Variants in GALNT13 observed in about 807,000 individuals in gnomAD.
GALNT13 encodes the protein UDP-GalNAc:polypeptide N-acetylgalactosaminyltransferase 13.
A neutral mutation model predicts 64.2 loss-of-function variants in GALNT13; 28 were observed. The ratio of observed to expected loss-of-function variants is 0.44; its 90% CI spans 0.32 to 0.60. The LOEUF (loss-of-function observed/expected upper bound fraction) is 0.60. Ranked by LOEUF, GALNT13 falls within the 20% of genes least tolerant of loss-of-function variation. GALNT13 has a pLI of 0.05. For synonymous variants in GALNT13, 214 were observed against 224.6 expected (o/e 0.95, Z 0.42); for missense variants, 577 against 669.8 (o/e 0.86, Z 1.53).
At chr2:153,592,915 A>G in the GALNT13 span, 4 of 152,302 alleles carry the variant, frequency 2.6e-5, no homozygotes, top group African/African-American at 7.2e-5. Flanking sequence ...AAGAAGCAGC[A>G]GAAAGGCCCT....
chr2:153,252,684 C>A, the GALNT13 span, among the ~76,000 whole-genome samples: 7 of 152,170 alleles, frequency 4.6e-5, no homozygotes, highest in East Asian at 1.9e-4. Context: ...TCAGCTTTCT[C>A]CATATGGCTA....
the GALNT13 span, among the ~76,000 whole-genome samples, chr2:153,719,563 C>T: frequency 3.9e-5 from 6 of 152,158 alleles, no homozygotes; most frequent in African/African-American, 1.2e-4. Flanking sequence ...GTTCATCTCA[C>T]TAGGGAGTGC....
chr2:154,013,836 C>T (rs1037123929), intron 3 of GALNT13, among the ~76,000 whole-genome samples: 1 of 152,078 alleles, frequency 6.6e-6, no homozygotes, highest in African/African-American at 2.4e-5. Context: ...GCACACACTG[C>T]CAAAGCAGTG....
chr2:153,428,528 G>A, the GALNT13 span, among the ~76,000 whole-genome samples: 148 of 152,274 alleles, frequency 9.7e-4, no homozygotes, highest in African/African-American at 3.4e-3. Context: ...ATTTTAACAT[G>A]AGATTTGGAG....
the GALNT13 span, among the ~76,000 whole-genome samples, chr2:153,191,699 G>A: frequency 6.8e-6 from 1 of 147,862 alleles, no homozygotes; most frequent in African/African-American, 2.5e-5. Flanking sequence ...TCCTGGGCTT[G>A]AAAGACTTTT....
intron 3 of GALNT13, among the ~76,000 whole-genome samples, chr2:154,023,388 T>A (rs1456285499): frequency 6.6e-6 from 1 of 152,150 alleles, no homozygotes; most frequent in Non-Finnish European, 1.5e-5. Context: ...GTATTGGGTA[T>A]ATGTATATAT....
intron 3 of GALNT13, among the ~76,000 whole-genome samples, chr2:154,066,826 A>G (rs1408170260): frequency 6.6e-6 from 1 of 151,446 alleles, no homozygotes; most frequent in Non-Finnish European, 1.5e-5. Flanking sequence ...AGCACACAGA[A>G]AAACACAGAC....
At chr2:154,153,243 G>A (rs1461205140) in intron 4 of GALNT13, among the ~76,000 whole-genome samples, 1 of 152,216 alleles carries the variant, frequency 6.6e-6, no homozygotes. Context: ...CTGCAGAACA[G>A]TGGATTTTCA....
intron 4 of GALNT13, 25 bp downstream of exon 4, chr2:154,140,530 CT>C: frequency 6.8e-7 from 1 of 1,466,200 alleles, no homozygotes; most frequent in East Asian, 2.3e-5. Flanking sequence ...GTTATATAAT[CT>C]TTTATATTCA....
intron 9 of GALNT13, among the ~76,000 whole-genome samples, chr2:154,311,462 C>T (rs1050353817): frequency 5.7e-4 from 87 of 151,870 alleles, no homozygotes; most frequent in Non-Finnish European, 2.8e-4. Flanking sequence ...AGGGAGTATA[C>T]GAATAGGTGT....
the GALNT13 span, among the ~76,000 whole-genome samples, chr2:153,505,472 G>A: frequency 6.6e-6 from 1 of 151,996 alleles, no homozygotes. Flanking sequence ...ACCCCAGTTT[G>A]CTCTTTCAAA....
chr2:153,503,589 C>T, the GALNT13 span, among the ~76,000 whole-genome samples: 160 of 152,198 alleles, frequency 1.1e-3, no homozygotes, highest in African/African-American at 3.7e-3. Flanking sequence ...TACAGGTGTG[C>T]ACCACCATAC....
chr2:153,775,789 C>T, the GALNT13 span, among the ~76,000 whole-genome samples: 1 of 152,084 alleles, frequency 6.6e-6, no homozygotes, highest in African/African-American at 2.4e-5. Context: ...TCTTTGGACA[C>T]AATGCAACAC....
chr2:153,628,470 T>C, the GALNT13 span, among the ~76,000 whole-genome samples: 46 of 151,878 alleles, frequency 3.0e-4, no homozygotes, highest in Non-Finnish European at 5.6e-4. Context: ...CAGTATGATA[T>C]TGGCTGTGGG....
the GALNT13 span, among the ~76,000 whole-genome samples, chr2:153,533,717 G>GTTTTT: frequency 8.3e-5 from 2 of 24,064 alleles, no homozygotes; most frequent in African/African-American, 3.6e-4. Flanking sequence ...ATATCCTGAG[G>GTTTTT]TTTTTCTTTT....
intron 9 of GALNT13, among the ~76,000 whole-genome samples, chr2:154,311,646 C>A (rs139231278): frequency 8.3e-4 from 126 of 152,256 alleles, no homozygotes; most frequent in Admixed American, 7.4e-3. Context: ...ATCAACCAGT[C>A]TGACCAAAGT....
At chr2:153,304,663 T>G in the GALNT13 span, among the ~76,000 whole-genome samples, 1 of 152,272 alleles carries the variant, frequency 6.6e-6, no homozygotes, top group South Asian at 2.1e-4. Context: ...GAGGGAGGTG[T>G]TAAATACTAC....
chr2:154,421,467 T>C (rs1404714124), intron 11 of GALNT13, among the ~76,000 whole-genome samples: 1 of 152,140 alleles, frequency 6.6e-6, no homozygotes. Context: ...AGTCATACTA[T>C]GTCAGCAAAA....
intron 11 of GALNT13, among the ~76,000 whole-genome samples, chr2:154,428,621 ATGTT>A (rs949233510): frequency 1.3e-5 from 2 of 152,180 alleles, no homozygotes; most frequent in Non-Finnish European, 2.9e-5. Flanking sequence ...AACAAATTGA[ATGTT>A]TGTGACAACC....
Sources: gnomAD v4.1 joint callset for allele counts (sites outside exome capture counted in the v4.1 genomes callset) on GRCh38, gnomAD v4.1.1 for gene constraint, MANE v1.5 for transcripts, NCBI Gene and HGNC (gene_info 2026-07-23, HGNC 2026-07-21) for gene names.